EYA1: variants seen among roughly 807,000 people sequenced by gnomAD.
EYA1 encodes EYA transcriptional coactivator and phosphatase 1, also known as protein phosphatase EYA1.
Under a neutral mutation model 82.0 loss-of-function variants are expected in EYA1, and 16 were observed. The ratio of observed to expected loss-of-function variants is 0.20; its 90% CI spans 0.13 to 0.30. The LOEUF is 0.30. Ranked by LOEUF, EYA1 falls within the 10% of genes least tolerant of loss-of-function variation. EYA1 has a pLI of 1.00. For missense variants in EYA1, 633 were observed against 730.7 expected, an observed-to-expected ratio of 0.87 and a Z score of 1.54; for synonymous variants, 261 against 264.4, an observed-to-expected ratio of 0.99 and a Z score of 0.12.
intron 12 of EYA1, among the ~76,000 whole-genome samples, chr8:71,222,426 C>T (rs1436918981): frequency 6.6e-6 from 1 of 152,224 alleles, no homozygotes; most frequent in African/African-American, 2.4e-5. Context: ...CCGCTGTTCC[C>T]AGTCAGAGGT....
chr8:71,464,211 A>G (rs1339118306), intron 2 of EYA1, among the ~76,000 whole-genome samples: 3 of 151,848 alleles, frequency 2.0e-5, no homozygotes, highest in African/African-American at 7.3e-5. Context: ...CCCTTCCCAA[A>G]CTTCTCCTAT....
chr8:71,462,576 G>A (rs1808444287), intron 2 of EYA1, among the ~76,000 whole-genome samples: 1 of 152,196 alleles, frequency 6.6e-6, no homozygotes, highest in African/African-American at 2.4e-5. Context: ...CCCAGCCCTA[G>A]TGACCCCCAG....
intron 2 of EYA1, among the ~76,000 whole-genome samples, chr8:71,492,577 G>T (rs373407301): frequency 6.6e-6 from 1 of 151,116 alleles, no homozygotes; most frequent in African/African-American, 2.4e-5. Context: ...CCATTCTCCT[G>T]CCTCAGCCTC....
At chr8:71,389,733 G>A (rs1331784988) in intron 2 of EYA1, among the ~76,000 whole-genome samples, 1 of 152,154 alleles carries the variant, frequency 6.6e-6, no homozygotes, top group Non-Finnish European at 1.5e-5. Context: ...TTTCGTACAA[G>A]ATCATAACCT....
chr8:71,257,269 C>A (rs1427492521), intron 11 of EYA1, among the ~76,000 whole-genome samples: 2 of 152,012 alleles, frequency 1.3e-5, no homozygotes, highest in African/African-American at 4.8e-5. Context: ...ACAAGATTGG[C>A]TAGGACTTGA....
intron 7 of EYA1, among the ~76,000 whole-genome samples, chr8:71,305,532 G>A (rs1482247386): frequency 9.9e-6 from 1 of 100,934 alleles, no homozygotes; most frequent in Non-Finnish European, 2.6e-5. Context: ...TGTAATCTCA[G>A]CTACTTGGGT....
chr8:71,334,943 G>A (rs756932093), intron 3 of EYA1, among the ~76,000 whole-genome samples: 11 of 152,124 alleles, frequency 7.2e-5, no homozygotes, highest in Non-Finnish European at 1.3e-4. Context: ...CCCTGATATG[G>A]TGACAGTGTT....
intron 9 of EYA1, among the ~76,000 whole-genome samples, chr8:71,273,350 T>A (rs11785185): frequency 0.16 from 24,651 of 152,156 alleles, 2,157 homozygotes; most frequent in South Asian, 0.27. Flanking sequence ...TTGGGATGCA[T>A]TTTTAAGCTG....
At chr8:71,353,234 G>A (rs1563519038) in intron 3 of EYA1, among the ~76,000 whole-genome samples, 1 of 152,164 alleles carries the variant, frequency 6.6e-6, no homozygotes, top group Non-Finnish European at 1.5e-5. Flanking sequence ...AGGGACCTGC[G>A]GCAGTCTGGG....
intron 11 of EYA1, among the ~76,000 whole-genome samples, chr8:71,255,694 A>T (rs913293321): frequency 6.6e-6 from 1 of 152,188 alleles, no homozygotes; most frequent in African/African-American, 2.4e-5. Flanking sequence ...TGGATATGAC[A>T]CCAAAAGCAA....
intron 2 of EYA1, among the ~76,000 whole-genome samples, chr8:71,465,615 C>T (rs1808715531): frequency 6.6e-6 from 1 of 151,898 alleles, no homozygotes; most frequent in South Asian, 2.1e-4. Flanking sequence ...GAGCAAGACT[C>T]CATTTCAAAA....
chr8:71,362,098 C>T (rs971265471), upstream of EYA1: 2 of 983,958 alleles, frequency 2.0e-6, no homozygotes, highest in Non-Finnish European at 2.4e-6. Context: ...AGCAGAATCT[C>T]ATCCCTCGAT....
chr8:71,395,503 G>A (rs376226742), intron 2 of EYA1, among the ~76,000 whole-genome samples: 4 of 152,058 alleles, frequency 2.6e-5, no homozygotes, highest in East Asian at 1.9e-4. Context: ...TAGCATGAAG[G>A]GTTGTTGAAT....
chr8:71,432,920 G>A (rs764372930), intron 2 of EYA1, among the ~76,000 whole-genome samples: 1 of 152,148 alleles, frequency 6.6e-6, no homozygotes, highest in Non-Finnish European at 1.5e-5. Context: ...AGTTGCTGTA[G>A]ATGCTTTTTA....
intron 9 of EYA1, among the ~76,000 whole-genome samples, chr8:71,290,800 G>A (rs1169141718): frequency 1.4e-5 from 2 of 140,182 alleles, no homozygotes; most frequent in African/African-American, 5.7e-5. Context: ...TATCCTCTGG[G>A]AAAAAAGAAA....
rs933686280 is a variant in EYA1 at position 71,217,625 on chromosome 8, C to A, written c.1141-602G>T. 2.1e-5 allele frequency among the ~76,000 whole-genome samples: 3 copies of A among 145,532 alleles called. No homozygotes were observed. The Admixed American group carries it at 2.1e-4, about 10-fold the overall frequency. ...TGTGTACACATGTGCACGGTAAAAACCATGGGAGACTTTAAAACCTAAATA... is the reference window on the plus strand; with the variant it reads ...TGTGTACACATGTGCACGGTAAAAAACATGGGAGACTTTAAAACCTAAATA... On this transcript the variant is annotated intron_variant, in intron 12 of 17. Coordinates refer to ENST00000340726, the MANE Select transcript of EYA1 (RefSeq NM_000503.6).
chr8:71,463,692 A>ATATACATG (rs1255685063), intron 2 of EYA1, among the ~76,000 whole-genome samples: 1 of 144,742 alleles, frequency 6.9e-6, no homozygotes, highest in Non-Finnish European at 1.5e-5. Context: ...ATATATTTAC[A>ATATACATG]TATACATGTT....
chr8:71,252,363 A>T (rs1813853523), intron 11 of EYA1, among the ~76,000 whole-genome samples: 1 of 152,084 alleles, frequency 6.6e-6, no homozygotes, highest in African/African-American at 2.4e-5. Flanking sequence ...ATTCCTTTAC[A>T]ACAATGGAAA....
intron 2 of EYA1, among the ~76,000 whole-genome samples, chr8:71,382,156 A>G (rs1279753323): frequency 6.6e-6 from 1 of 152,226 alleles, no homozygotes; most frequent in East Asian, 1.9e-4. Context: ...GATGAATTAC[A>G]TAATATTTAT....
Sources: gnomAD v4.1 joint callset for allele counts (sites outside exome capture counted in the v4.1 genomes callset) on GRCh38, gnomAD v4.1.1 for gene constraint, MANE v1.5 for transcripts, NCBI Gene and HGNC (gene_info 2026-07-23, HGNC 2026-07-21) for gene names.